Variants in BEGAIN observed in about 807,000 individuals in gnomAD.
BEGAIN encodes brain-enriched guanylate kinase-associated protein.
Under a neutral mutation model 35.8 loss-of-function variants are expected in BEGAIN, and 19 were observed. The ratio of observed to expected loss-of-function variants is 0.53; its 90% CI spans 0.37 to 0.78. The LOEUF (loss-of-function observed/expected upper bound fraction) is 0.78, where lower values mean the gene tolerates loss of function less well. Among genes scored for constraint, BEGAIN ranks in the 30% least tolerant of loss-of-function variants. BEGAIN has a pLI of 0.00. For synonymous variants in BEGAIN, 462 were observed against 388.6 expected (o/e 1.19, Z -2.22); for missense variants, 795 against 853.6 (o/e 0.93, Z 0.85).
chr14:100,552,049 A>G (rs2033260798), intron 2 of BEGAIN, among the ~76,000 whole-genome samples: 1 of 152,168 alleles, frequency 6.6e-6, no homozygotes, highest in Admixed American at 6.5e-5. Context: ...GACCAAGGCC[A>G]GCGATTCCCA....
rs2035135403 is a variant in BEGAIN at position 100,573,500 on chromosome 14, T to G, written c.43-5561A>C. Among the ~76,000 whole-genome samples the G allele has an allele frequency of 6.6e-6, 1 of 152,096 alleles. No individual in the cohort carries two copies. The highest frequency in any genetic ancestry group is 1.5e-5 in the Non-Finnish European group (1 of 67,998). ...CCCTGGAGGGATGAATGGGGGCGTC[T>G]CTGGCACACCACTGTGTGGAGAGGG... On this transcript the variant is annotated intron_variant, in intron 1 of 6. Coordinates refer to ENST00000554140, the MANE Select transcript of BEGAIN (RefSeq NM_001385089.1). This position sits in a 1 kb window ranked among gnomAD's most constrained non-coding sequence, Gnocchi z 4.2.
chr14:100,561,465 A>C (rs1213833914), intron 2 of BEGAIN, among the ~76,000 whole-genome samples: 1 of 152,178 alleles, frequency 6.6e-6, no homozygotes, highest in African/African-American at 2.4e-5. Flanking sequence ...AAATCTGCCC[A>C]AGGCCAGGTG....
In BEGAIN at chr14:100,555,761, AG is replaced by A. The variant is rs578134773; in HGVS notation, c.72-9100del. On this transcript the variant is annotated intron_variant, in intron 2 of 6. Transcript: ENST00000554140. ...CTGCCCTCTGCCTCCGTGTGGCTAGAGGGTCGACCACGGTGGCCCCGGAGTC... is the reference window on the plus strand; with the variant it reads ...CTGCCCTCTGCCTCCGTGTGGCTAGAGGTCGACCACGGTGGCCCCGGAGTC... 1.2e-4 allele frequency among the ~76,000 whole-genome samples: 18 copies of A among 152,284 alleles called. No homozygotes were observed. The South Asian group carries it at 3.7e-3, about 32-fold the overall frequency.
In BEGAIN at chr14:100,538,593, C is replaced by A; in HGVS notation, c.1215G>T (p.Pro405=). The A allele has an allele frequency of 1.3e-6, 2 of 1,546,274 alleles. No homozygotes were observed. The highest frequency in any genetic ancestry group is 2.4e-5 in the East Asian group (1 of 41,834). Residue 405 remains proline, a synonymous_variant, in exon 7 of 7, where the codon CCG becomes CCT. Coordinates refer to ENST00000554140, the MANE Select transcript of BEGAIN (RefSeq NM_001385089.1). ...GGGGCATCAGGGCCTGCTGGGGACC[C>A]GGAGAGGCCGGGAAGCGGAAGGTCT... ...PAETFRFPAS[P]GPQQALMPPN...
rs550304656 is a variant in BEGAIN, at chr14:100,575,267, A to T, written c.43-7328T>A. 2.0e-5 allele frequency among the ~76,000 whole-genome samples: 3 copies of T among 152,306 alleles called. No individual in the cohort carries two copies. The East Asian group carries it at 5.8e-4, about 29-fold the overall frequency. On this transcript the variant is annotated intron_variant, in intron 1 of 6. Transcript: ENST00000554140. ...ACCCCCTCCAGAAAGCATTCTGGGGACACAGGCTTGTCCAGGCCAGGAAGG... is the reference window on the plus strand; with the variant it reads ...ACCCCCTCCAGAAAGCATTCTGGGGTCACAGGCTTGTCCAGGCCAGGAAGG...
chr14:100,540,614 C>A, intron 5 of BEGAIN, 35 bp from the exon 6 acceptor site: 1 of 1,534,516 alleles, frequency 6.5e-7, no homozygotes, highest in East Asian at 2.4e-5. Flanking sequence ...GCGCCATTCA[C>A]CCCAGCCAAG....
At chr14:100,575,757 C>G (rs915153138) in intron 1 of BEGAIN, among the ~76,000 whole-genome samples, 7 of 152,140 alleles carry the variant, frequency 4.6e-5, no homozygotes, top group African/African-American at 1.7e-4. Context: ...AGGAGTCAAG[C>G]TGGGTTCCCG....
At chr14:100,546,698 C>G in intron 2 of BEGAIN, 36 bp from the exon 3 acceptor site, 2 of 1,531,206 alleles carry the variant, frequency 1.3e-6, no homozygotes, top group Admixed American at 1.9e-5. Context: ...CGGGCCGCGG[C>G]GCTGAGCGGG....
At chr14:100,545,486 G>A (rs1284813958) in intron 3 of BEGAIN, 1 of 954,164 alleles carries the variant, frequency 1.0e-6, no homozygotes, top group East Asian at 1.2e-4. Flanking sequence ...ATGGGCCCCA[G>A]GGTGAGGCTG....
In BEGAIN at chr14:100,568,173, G is replaced by A. The variant is rs2034879406; in HGVS notation, c.43-234C>T. 3 of 868,734 alleles carry A rather than the reference G, an allele frequency of 3.5e-6. No individual in the cohort carries two copies. Among genetic ancestry groups the A allele is most frequent in the South Asian group, 5.0e-5 (1 of 19,990 alleles). 53.8% of individuals were successfully genotyped at this position (868,734 alleles called of 1,614,324 possible). A position where few individuals can be genotyped will look rare whatever the true frequency, so the allele number is the denominator to read the frequency against. On this transcript the variant is annotated intron_variant, in intron 1 of 6. Coordinates refer to ENST00000554140, the MANE Select transcript of BEGAIN (RefSeq NM_001385089.1). This position sits in a 1 kb window ranked among gnomAD's most constrained non-coding sequence, Gnocchi z 7.5. Reference sequence around the variant, plus strand: ...GCCCGCCCGGGCCGCCGCGCTCCCCGCACCGAGTTACGCCCCCCGGGGCGA... The same window carrying A: ...GCCCGCCCGGGCCGCCGCGCTCCCCACACCGAGTTACGCCCCCCGGGGCGA...
At chr14:100,570,221 T>C (rs1186665306) in intron 1 of BEGAIN, among the ~76,000 whole-genome samples, 4 of 152,232 alleles carry the variant, frequency 2.6e-5, no homozygotes, top group Non-Finnish European at 5.9e-5. Context: ...TTATTTACAT[T>C]GAATGTTTCA....
rs1193888951 is a variant in BEGAIN, at chr14:100,568,720, G to C, written c.43-781C>G. Among the ~76,000 whole-genome samples the C allele has an allele frequency of 3.3e-5, 5 of 151,786 alleles. No individual in the cohort carries two copies. The highest frequency in any genetic ancestry group is 7.4e-5 in the Non-Finnish European group (5 of 67,888). ...CGCCGTTAACCTTGTGGGCGCGGGCGAGCGACGGGGACCGCGAGCGGCCCG... is the reference window on the plus strand; with the variant it reads ...CGCCGTTAACCTTGTGGGCGCGGGCCAGCGACGGGGACCGCGAGCGGCCCG... On this transcript the variant is annotated intron_variant, in intron 1 of 6. Transcript: ENST00000554140. The surrounding 1 kb of genome is among the most constrained non-coding windows in gnomAD (Gnocchi z 7.5).
intron 1 of BEGAIN, among the ~76,000 whole-genome samples, chr14:100,580,600 A>C (rs2035295209): frequency 6.6e-6 from 1 of 152,070 alleles, no homozygotes; most frequent in African/African-American, 2.4e-5. Context: ...TCAGGGTCCC[A>C]GTTTCACAGC....
rs150328302 is a variant in BEGAIN, at chr14:100,576,148, C to T, written c.43-8209G>A. On this transcript the variant is annotated intron_variant, in intron 1 of 6. Transcript: ENST00000554140. ...CTGACCCTCGAGATGCACTTCCACC[C>T]AGAGCTGCCTGGCCCCAGCTGGCCA... is the stretch of plus-strand genomic sequence containing the variant. Among the ~76,000 whole-genome samples the T allele has an allele frequency of 9.5e-3, 1,446 of 152,266 alleles. 6 individuals are homozygous for T. The highest frequency in any genetic ancestry group is 0.017 in the Non-Finnish European group (1,160 of 68,004).
intron 1 of BEGAIN, among the ~76,000 whole-genome samples, chr14:100,576,262 C>T (rs1355556087): frequency 7.9e-5 from 12 of 152,178 alleles, no homozygotes; most frequent in Admixed American, 7.8e-4. Flanking sequence ...CTGGACAGAG[C>T]AGGCCACCTG....
At chr14:100,556,619 C>T (rs1372712287) in intron 2 of BEGAIN, among the ~76,000 whole-genome samples, 5 of 152,230 alleles carry the variant, frequency 3.3e-5, no homozygotes, top group African/African-American at 7.2e-5. Flanking sequence ...TCTCCATCCT[C>T]ACCCCAGCCC....
intron 1 of BEGAIN, among the ~76,000 whole-genome samples, chr14:100,576,368 T>C (rs1286757962): frequency 2.0e-5 from 3 of 152,106 alleles, no homozygotes; most frequent in Admixed American, 6.5e-5. Flanking sequence ...CTCCATGCAC[T>C]GGGGACATAA....
chr14:100,573,314 A>C lies in BEGAIN; in HGVS notation c.43-5375T>G, dbSNP rs1240088555. On this transcript the variant is annotated intron_variant, in intron 1 of 6. Coordinates refer to ENST00000554140, the MANE Select transcript of BEGAIN (RefSeq NM_001385089.1). This position sits in a 1 kb window ranked among gnomAD's most constrained non-coding sequence, Gnocchi z 4.2. ...TGAGTCCCGAAGGGGCCGCCAGAGG[A>C]GGGGCGGGTGAGTCCTGGGAGGTCG... Among the ~76,000 whole-genome samples, 2 of 121,182 alleles carry C rather than the reference A, an allele frequency of 1.7e-5. No homozygotes were observed. The highest frequency in any genetic ancestry group is 8.0e-5 in the Admixed American group (1 of 12,458). 79.5% of individuals were successfully genotyped at this position (121,182 alleles called of 152,430 possible). A position where few individuals can be genotyped will look rare whatever the true frequency, so the allele number is the denominator to read the frequency against.
At chr14:100,576,702 G>A (rs909592649) in intron 1 of BEGAIN, among the ~76,000 whole-genome samples, 4 of 152,198 alleles carry the variant, frequency 2.6e-5, no homozygotes, top group Admixed American at 2.6e-4. Context: ...ACCAAGGTGG[G>A]GGTGCCAGCC....
Sources: gnomAD v4.1 joint callset for allele counts (sites outside exome capture counted in the v4.1 genomes callset) on GRCh38, gnomAD v4.1.1 for gene constraint, Gnocchi (gnomAD v3.1) non-coding constraint, MANE v1.5 for transcripts, NCBI Gene and HGNC (gene_info 2026-07-23, HGNC 2026-07-21) for gene names.